The following C11orf87 variants were observed in gnomAD, a reference collection of about 807,000 sequenced individuals.
C11orf87 encodes the protein uncharacterized protein C11orf87.
Under a neutral mutation model 9.2 loss-of-function variants are expected in C11orf87, and 3 were observed. That is an observed-to-expected ratio of 0.33 (90% CI 0.15 to 0.84). The LOEUF (loss-of-function observed/expected upper bound fraction) is 0.84. Among genes scored for constraint, C11orf87 ranks in the 40% least tolerant of loss-of-function variants. The probability of loss-of-function intolerance (pLI) is 0.55; values close to 1 mark genes in which losing one functional copy is unlikely to be tolerated. For synonymous variants in C11orf87, 124 were observed against 124.6 expected (o/e 1.00, Z 0.03); for missense variants, 256 against 270.7 (o/e 0.95, Z 0.38).
Position 109,426,325 on chromosome 11 carries a change from A to G in C11orf87, c.*2098A>G, listed in dbSNP as rs1378488345. On this transcript the variant is annotated 3_prime_UTR_variant, in exon 2 of 2. Transcript: ENST00000327419. ...AGCAACTCATTGTTCTAAATTGTCT[A>G]CTTGGTCCAGACATATGTGCTCTTA... 6.6e-6 allele frequency: 1 copy of G among 152,238 alleles called. No individual in the cohort carries two copies. The highest frequency in any genetic ancestry group is 1.5e-5 in the Non-Finnish European group (1 of 68,046). The allele number at this position is 152,238 out of a possible 1,614,324, so 9.4% of individuals were successfully genotyped here.
chr11:109,423,051 T>C lies in C11orf87; in HGVS notation c.-259-324T>C, dbSNP rs1384945926. On this transcript the variant is annotated intron_variant, in intron 1 of 1. Transcript: ENST00000327419. This position sits in a 1 kb window ranked among gnomAD's most constrained non-coding sequence, Gnocchi z 5.3. ...AGAGGAGAGCCGGCGCTCTGGGAAG[T>C]AGGGACTTCAACCAAAGCGGCTGCG... Among the ~76,000 whole-genome samples the C allele has an allele frequency of 2.0e-5, 3 of 151,590 alleles. No homozygotes were observed. The highest frequency in any genetic ancestry group is 2.0e-4 in the Admixed American group (3 of 15,226).
At position 109,423,508 on chromosome 11, in the gene C11orf87, G is replaced by A. The variant is rs1054332577; in HGVS notation, c.-126G>A. The A allele has an allele frequency of 4.2e-5, 42 of 999,092 alleles. No individual in the cohort carries two copies. The highest frequency in any genetic ancestry group is 5.6e-5 in the Non-Finnish European group (39 of 699,408). 61.9% of individuals were successfully genotyped at this position (999,092 alleles called of 1,614,324 possible). A position where few individuals can be genotyped will look rare whatever the true frequency, so the allele number is the denominator to read the frequency against. On this transcript the variant is annotated 5_prime_UTR_variant, in exon 2 of 2. Coordinates refer to ENST00000327419, the MANE Select transcript of C11orf87 (RefSeq NM_207645.4). This position sits in a 1 kb window ranked among gnomAD's most constrained non-coding sequence, Gnocchi z 5.3. Reference sequence around the variant, plus strand: ...TGCTCCCTTAGTCCTTGGCTCGCTCGCACACCCCCTCCCGCTACAGGGAGC... The same window carrying A: ...TGCTCCCTTAGTCCTTGGCTCGCTCACACACCCCCTCCCGCTACAGGGAGC...
At position 109,427,829 on chromosome 11, in the gene C11orf87, A is replaced by G. The variant is rs1181623389; in HGVS notation, c.*3602A>G. 2.0e-5 allele frequency: 3 copies of G among 152,174 alleles called. No individual in the cohort carries two copies. The highest frequency in any genetic ancestry group is 7.2e-5 in the African/African-American group (3 of 41,458). 9.4% of individuals were successfully genotyped at this position (152,174 alleles called of 1,614,324 possible). The stretch of plus-strand genomic sequence containing the variant: ...TACACCCATAGATATGTATTTATAT[A>G]TGCATACGTTTTGTATAAATTTACA... On this transcript the variant is annotated 3_prime_UTR_variant, in exon 2 of 2. Transcript: ENST00000327419.
rs1170769259 is a variant in C11orf87, at chr11:109,423,099, G to A, written c.-259-276G>A. On this transcript the variant is annotated intron_variant, in intron 1 of 1. Transcript: ENST00000327419. This position sits in a 1 kb window ranked among gnomAD's most constrained non-coding sequence, Gnocchi z 5.3. ...GCGTGTCTGTTGCAATTATAAAGTT[G>A]TGAAGGGCGGAAGGGAGGCTGCCTT... Among the ~76,000 whole-genome samples, 1 of 152,154 alleles carries A rather than the reference G, an allele frequency of 6.6e-6. No homozygotes were observed. Among genetic ancestry groups the A allele is most frequent in the Non-Finnish European group, 1.5e-5 (1 of 68,032 alleles).
In C11orf87 at chr11:109,425,384, A is replaced by G. The variant is rs1046462637; in HGVS notation, c.*1157A>G. The G allele has an allele frequency of 1.2e-5, 2 of 166,990 alleles. No homozygotes were observed. The highest frequency in any genetic ancestry group is 2.9e-5 in the Non-Finnish European group (2 of 68,096). 10.3% of individuals were successfully genotyped at this position (166,990 alleles called of 1,614,324 possible). On this transcript the variant is annotated 3_prime_UTR_variant, in exon 2 of 2. Transcript: ENST00000327419. ...TTTTTAGAACAAGTGCACCTTTGTTATATATTTAGTATATTGGTACCAAAT... is the reference window on the plus strand; with the variant it reads ...TTTTTAGAACAAGTGCACCTTTGTTGTATATTTAGTATATTGGTACCAAAT...
chr11:109,424,447 A>G lies in C11orf87; in HGVS notation c.*220A>G. 2.4e-6 allele frequency: 1 copy of G among 419,966 alleles called. No individual in the cohort carries two copies. The highest frequency in any genetic ancestry group is 5.9e-5 in the South Asian group (1 of 16,854). The allele number at this position is 419,966 out of a possible 1,614,324, so 26.0% of individuals were successfully genotyped here. ...TCTCGGAAGAAGAAATAACGCTGAT[A>G]ATAATACTTTATTAATATTTATAGT... On this transcript the variant is annotated 3_prime_UTR_variant, in exon 2 of 2. Coordinates refer to ENST00000327419, the MANE Select transcript of C11orf87 (RefSeq NM_207645.4). The surrounding 1 kb of genome is among the most constrained non-coding windows in gnomAD (Gnocchi z 4.7).
At position 109,422,655 on chromosome 11, in the gene C11orf87, G is replaced by A. The variant is rs1247907785; in HGVS notation, c.-260+392G>A. 2.0e-4 allele frequency among the ~76,000 whole-genome samples: 30 copies of A among 151,608 alleles called. 1 individual carries two copies. Among genetic ancestry groups the A allele is most frequent in the Admixed American group, 2.0e-3 (30 of 15,246 alleles). ...GAAGCAGGCTACTGCCAAGTTGGGG[G>A]CACAGGGAAATGGGGAGGAGGGGGC... On this transcript the variant is annotated intron_variant, in intron 1 of 1. Coordinates refer to ENST00000327419, the MANE Select transcript of C11orf87 (RefSeq NM_207645.4).
chr11:109,423,920 G>C lies in C11orf87; in HGVS notation c.287G>C (p.Arg96Thr), dbSNP rs748518351. The C allele has an allele frequency of 3.1e-6, 5 of 1,614,132 alleles. No homozygotes were observed. The highest frequency in any genetic ancestry group is 3.4e-6 in the Non-Finnish European group (4 of 1,179,962). ...AGGATGAAGAAGCGGAAGATGCAGA[G>C]GGCTCAGGAGGAATATGAGCGGGAT... ...KRRMKKRKMQRAQEEYERDHC... is the reference protein window; with the variant it reads ...KRRMKKRKMQTAQEEYERDHC... The change falls in exon 2 of 2, where the codon AGG (arginine) becomes ACG (threonine). Residue 96 changes from arginine to threonine, a missense_variant. Physicochemically the swap from Arg to Thr is moderately conservative, Grantham distance 71 (BLOSUM62 -1). Coordinates refer to ENST00000327419, the MANE Select transcript of C11orf87 (RefSeq NM_207645.4). This position sits in a 1 kb window ranked among gnomAD's most constrained non-coding sequence, Gnocchi z 5.3.
Position 109,423,568 on chromosome 11 carries a change from G to T in C11orf87, c.-66G>T. 6.8e-7 allele frequency: 1 copy of T among 1,465,718 alleles called. No homozygotes were observed. The highest frequency in any genetic ancestry group is 9.1e-7 in the Non-Finnish European group (1 of 1,104,636). The allele number at this position is 1,465,718 out of a possible 1,614,324, so 90.8% of individuals were successfully genotyped here. A position where few individuals can be genotyped will look rare whatever the true frequency, so the allele number is the denominator to read the frequency against. ...TGGCGTGGGCTCCGTCCTCTTCTTG[G>T]CTGGTAGGAACGGTGTGCCCAAGAG... On this transcript the variant is annotated 5_prime_UTR_variant, in exon 2 of 2. Coordinates refer to ENST00000327419, the MANE Select transcript of C11orf87 (RefSeq NM_207645.4). The surrounding 1 kb of genome is among the most constrained non-coding windows in gnomAD (Gnocchi z 5.3).
Position 109,424,334 on chromosome 11 carries a change from T to G in C11orf87, c.*107T>G. The stretch of plus-strand genomic sequence containing the variant: ...TTTTCCTCTGGCCCCTCTTTCCTCT[T>G]CCTGGTTTCCTTACCTGCCCTCCCC... On this transcript the variant is annotated 3_prime_UTR_variant, in exon 2 of 2. Coordinates refer to ENST00000327419, the MANE Select transcript of C11orf87 (RefSeq NM_207645.4). This position sits in a 1 kb window ranked among gnomAD's most constrained non-coding sequence, Gnocchi z 4.7. 1 of 881,416 alleles carries G rather than the reference T, an allele frequency of 1.1e-6. No homozygotes were observed. Among genetic ancestry groups the G allele is most frequent in the Non-Finnish European group, 1.8e-6 (1 of 564,328 alleles). The allele number at this position is 881,416 out of a possible 1,614,324, so 54.6% of individuals were successfully genotyped here.
At position 109,427,816 on chromosome 11, in the gene C11orf87, T is replaced by C. The variant is rs1417690840; in HGVS notation, c.*3589T>C. On this transcript the variant is annotated 3_prime_UTR_variant, in exon 2 of 2. Transcript: ENST00000327419. ...TTTAGACTTTATATACACCCATAGA[T>C]ATGTATTTATATATGCATACGTTTT... 2 of 152,172 alleles carry C rather than the reference T, an allele frequency of 1.3e-5. No homozygotes were observed. Among genetic ancestry groups the C allele is most frequent in the African/African-American group, 4.8e-5 (2 of 41,460 alleles). The allele number at this position is 152,172 out of a possible 1,614,324, so 9.4% of individuals were successfully genotyped here. A position where few individuals can be genotyped will look rare whatever the true frequency, so the allele number is the denominator to read the frequency against.
chr11:109,424,514 A>G lies in C11orf87; in HGVS notation c.*287A>G, dbSNP rs1192434000. 1 of 188,694 alleles carries G rather than the reference A, an allele frequency of 5.3e-6. No individual in the cohort carries two copies. The highest frequency in any genetic ancestry group is 6.3e-5 in the Admixed American group (1 of 15,962). 11.7% of individuals were successfully genotyped at this position (188,694 alleles called of 1,614,324 possible). ...ATAACACAATCCAAGCGCATGACAA[A>G]TCACATAATTTCTAACTGTCAATGG... On this transcript the variant is annotated 3_prime_UTR_variant, in exon 2 of 2. Transcript: ENST00000327419. This position sits in a 1 kb window ranked among gnomAD's most constrained non-coding sequence, Gnocchi z 4.7.
chr11:109,422,814 G>A (rs897979273), intron 1 of C11orf87, among the ~76,000 whole-genome samples: 1 of 141,110 alleles, frequency 7.1e-6, no homozygotes, highest in African/African-American at 2.6e-5. Context: ...CGCGTCAGCC[G>A]CGGTCGCGGA....
chr11:109,428,675 A>G lies in C11orf87; in HGVS notation c.*4448A>G, dbSNP rs1436521410. 6.6e-6 allele frequency: 1 copy of G among 152,200 alleles called. No individual in the cohort carries two copies. Among genetic ancestry groups the G allele is most frequent in the Non-Finnish European group, 1.5e-5 (1 of 68,014 alleles). The allele number at this position is 152,200 out of a possible 1,614,324, so 9.4% of individuals were successfully genotyped here. A position where few individuals can be genotyped will look rare whatever the true frequency, so the allele number is the denominator to read the frequency against. ...TCACAGATGTTTCAGTTCATATTAGAATAAATTGCCCAATCTATAAGAGAG... is the reference window on the plus strand; with the variant it reads ...TCACAGATGTTTCAGTTCATATTAGGATAAATTGCCCAATCTATAAGAGAG... On this transcript the variant is annotated 3_prime_UTR_variant, in exon 2 of 2. Transcript: ENST00000327419.
chr11:109,424,091 C>T lies in C11orf87; in HGVS notation c.458C>T (p.Ser153Phe), dbSNP rs780789177. The part of the protein sequence containing the change: ...PSNASSLSSS[S>F]PGLPCQGPCA... ...AACGCCTCGTCGTTGTCCTCTTCGTCCCCTGGCCTCCCGTGCCAGGGTCCC... is the reference window on the plus strand; with the variant it reads ...AACGCCTCGTCGTTGTCCTCTTCGTTCCCTGGCCTCCCGTGCCAGGGTCCC... Residue 153 changes from serine to phenylalanine, a missense_variant, in exon 2 of 2, where the codon TCC becomes TTC. Transcript: ENST00000327419. The surrounding 1 kb of genome is among the most constrained non-coding windows in gnomAD (Gnocchi z 4.7). 17 of 1,613,760 alleles carry T rather than the reference C, an allele frequency of 1.1e-5. No individual in the cohort carries two copies. In the African/African-American group the frequency reaches 1.9e-4, roughly 18 times the overall value.
In C11orf87 at chr11:109,426,199, A is replaced by G. The variant is rs1022840102; in HGVS notation, c.*1972A>G. The G allele has an allele frequency of 1.2e-4, 18 of 152,168 alleles. No homozygotes were observed. The highest frequency in any genetic ancestry group is 4.1e-4 in the African/African-American group (17 of 41,422). The allele number at this position is 152,168 out of a possible 1,614,324, so 9.4% of individuals were successfully genotyped here. ...TTGACAGCTATTCAAATTTTTGGAAAATGTATGAATGAAAGTGATCTGCAA... is the reference window on the plus strand; with the variant it reads ...TTGACAGCTATTCAAATTTTTGGAAGATGTATGAATGAAAGTGATCTGCAA... On this transcript the variant is annotated 3_prime_UTR_variant, in exon 2 of 2. Coordinates refer to ENST00000327419, the MANE Select transcript of C11orf87 (RefSeq NM_207645.4).
rs553708312 is a variant in C11orf87, at chr11:109,427,623, G to A, written c.*3396G>A. On this transcript the variant is annotated 3_prime_UTR_variant, in exon 2 of 2. Transcript: ENST00000327419. ...TCACTGATGTCCCGTCAAACTAAAT[G>A]CTTCAAACCCCTATAGCTACAGCTT... The A allele has an allele frequency of 6.6e-6, 1 of 152,238 alleles. No individual in the cohort carries two copies. Among genetic ancestry groups the A allele is most frequent in the East Asian group, 1.9e-4 (1 of 5,194 alleles). 9.4% of individuals were successfully genotyped at this position (152,238 alleles called of 1,614,324 possible). A position where few individuals can be genotyped will look rare whatever the true frequency, so the allele number is the denominator to read the frequency against.
Position 109,423,410 on chromosome 11 carries a change from ACGTGT to A in C11orf87, c.-223_-219del. 1.7e-6 allele frequency: 1 copy of A among 579,382 alleles called. No individual in the cohort carries two copies. The highest frequency in any genetic ancestry group is 3.2e-5 in the Admixed American group (1 of 31,090). 35.9% of individuals were successfully genotyped at this position (579,382 alleles called of 1,614,324 possible). On this transcript the variant is annotated 5_prime_UTR_variant, in exon 2 of 2. Transcript: ENST00000327419. This position sits in a 1 kb window ranked among gnomAD's most constrained non-coding sequence, Gnocchi z 5.3. ...CTGCAAAGGAAAGGGGAGCGTGGAG[ACGTGT>A]TCGAGGTGGTATCGGCGAGGATCTC...
Position 109,423,382 on chromosome 11 carries a change from C to A in C11orf87, c.-252C>A. 7.2e-6 allele frequency: 4 copies of A among 558,790 alleles called. No individual in the cohort carries two copies. The highest frequency in any genetic ancestry group is 1.3e-5 in the Non-Finnish European group (4 of 318,634). The allele number at this position is 558,790 out of a possible 1,614,324, so 34.6% of individuals were successfully genotyped here. On this transcript the variant is annotated 5_prime_UTR_variant, in exon 2 of 2. Coordinates refer to ENST00000327419, the MANE Select transcript of C11orf87 (RefSeq NM_207645.4). This position sits in a 1 kb window ranked among gnomAD's most constrained non-coding sequence, Gnocchi z 5.3. ...AGCTTTGTGTCTTTGCAGCCTGGTG[C>A]CTCTGCAAAGGAAAGGGGAGCGTGG...
Sources: allele counts gnomAD v4.1 joint callset (sites outside exome capture counted in the v4.1 genomes callset), GRCh38; gene constraint gnomAD v4.1.1; non-coding constraint Gnocchi (gnomAD v3.1); transcripts MANE v1.5; gene names NCBI Gene and HGNC (gene_info 2026-07-23, HGNC 2026-07-21).